SH3RF2: variants seen among roughly 807,000 people sequenced by gnomAD.
The protein encoded by SH3RF2 is SH3 domain containing ring finger 2.
Under a neutral mutation model 59.0 loss-of-function variants are expected in SH3RF2, and 43 were observed. The observed-to-expected ratio is 0.73, with a 90% CI of 0.57 to 0.94. SH3RF2 has a LOEUF of 0.94. Among genes scored for constraint, SH3RF2 ranks in the 40% least tolerant of loss-of-function variants. SH3RF2 has a pLI of 0.00. For synonymous variants in SH3RF2, 391 were observed against 391.5 expected, an observed-to-expected ratio of 1.00 and a Z score of 0.01; for missense variants, 930 against 940.1, an observed-to-expected ratio of 0.99 and a Z score of 0.14.
At chr5:146,036,709 C>T (rs1419770640) in intron 5 of SH3RF2, among the ~76,000 whole-genome samples, 1 of 152,090 alleles carries the variant, frequency 6.6e-6, no homozygotes, top group East Asian at 1.9e-4. Context: ...AAAGAGAAAA[C>T]AGCAAGGGAG....
intron 3 of SH3RF2, among the ~76,000 whole-genome samples, 183 bp downstream of exon 3, chr5:146,000,510 A>G (rs1220570830): frequency 6.6e-6 from 1 of 152,194 alleles, no homozygotes; most frequent in Non-Finnish European, 1.5e-5. Context: ...TATGTAGTGC[A>G]TATATATGTA....
chr5:145,955,147 G>A (rs1261094302), intron 2 of SH3RF2, among the ~76,000 whole-genome samples: 1 of 152,102 alleles, frequency 6.6e-6, no homozygotes, highest in African/African-American at 2.4e-5. Flanking sequence ...AGGGGGTTGG[G>A]TACTAGATGT....
chr5:146,010,718 A>G (rs1256170710), intron 4 of SH3RF2, among the ~76,000 whole-genome samples: 2 of 151,918 alleles, frequency 1.3e-5, no homozygotes, highest in Non-Finnish European at 2.9e-5. Flanking sequence ...CCACTTGTTG[A>G]TGGGGTTGTT....
intron 4 of SH3RF2, among the ~76,000 whole-genome samples, chr5:146,013,536 G>A (rs553914531): frequency 6.6e-6 from 1 of 152,294 alleles, no homozygotes; most frequent in South Asian, 2.1e-4. Flanking sequence ...TTACTTTGCA[G>A]GAAAGTTATG....
chr5:146,038,494 T>C (rs763045816), intron 5 of SH3RF2, among the ~76,000 whole-genome samples: 5 of 152,092 alleles, frequency 3.3e-5, no homozygotes, highest in Non-Finnish European at 5.9e-5. Flanking sequence ...TGAATACAAA[T>C]CAATATAAGA....
chr5:146,012,551 G>C (rs1405922795), intron 4 of SH3RF2, among the ~76,000 whole-genome samples: 1 of 152,046 alleles, frequency 6.6e-6, no homozygotes, highest in African/African-American at 2.4e-5. Context: ...GCCTGTTATT[G>C]GTCTATTCAG....
At chr5:145,965,035 CAT>C in intron 2 of SH3RF2, among the ~76,000 whole-genome samples, 1 of 151,946 alleles carries the variant, frequency 6.6e-6, no homozygotes, top group Middle Eastern at 3.4e-3. Flanking sequence ...TCTACTAAAA[CAT>C]AAAAAATTAG....
At chr5:145,996,763 T>C (rs1237552253) in intron 2 of SH3RF2, among the ~76,000 whole-genome samples, 3 of 152,066 alleles carry the variant, frequency 2.0e-5, no homozygotes, top group Non-Finnish European at 2.9e-5. Context: ...GTTCCTTGGG[T>C]AGTGATTAAG....
At chr5:145,975,212 C>T (rs577314871) in intron 2 of SH3RF2, among the ~76,000 whole-genome samples, 42 of 152,330 alleles carry the variant, frequency 2.8e-4, no homozygotes, top group African/African-American at 7.5e-4. Context: ...CTGGACACTC[C>T]GTCCTTCCCA....
chr5:145,965,640 A>G (rs1467221742), intron 2 of SH3RF2, among the ~76,000 whole-genome samples: 1 of 152,160 alleles, frequency 6.6e-6, no homozygotes, highest in African/African-American at 2.4e-5. Context: ...TGGTGTTTAC[A>G]CTCACTACTT....
intron 2 of SH3RF2, among the ~76,000 whole-genome samples, chr5:145,977,885 G>C (rs1293315688): frequency 6.6e-6 from 1 of 152,188 alleles, no homozygotes; most frequent in African/African-American, 2.4e-5. Flanking sequence ...AAATTTTGTG[G>C]ACTGATTGAC....
intron 2 of SH3RF2, among the ~76,000 whole-genome samples, chr5:145,948,821 A>T (rs941383856): frequency 3.9e-5 from 6 of 152,186 alleles, no homozygotes; most frequent in African/African-American, 1.4e-4. Flanking sequence ...CAGCCTCCAC[A>T]GCATGTAACA....
chr5:145,952,026 C>T (rs939970322), intron 2 of SH3RF2, among the ~76,000 whole-genome samples: 2 of 152,160 alleles, frequency 1.3e-5, no homozygotes, highest in Middle Eastern at 3.2e-3. Context: ...TAACCTACCA[C>T]CTACATTGGT....
rs561372147 is a variant in SH3RF2 at position 146,034,861 on chromosome 5, C to T, written c.1060-12911C>T. On this transcript the variant is annotated intron_variant, in intron 5 of 9. Coordinates refer to ENST00000359120, the MANE Select transcript of SH3RF2 (RefSeq NM_152550.4). ...GTGGCTCACACCTGTAATCCTAGAA[C>T]TTTGGGAGGCCAAGGCAGGTGAATC... 2.6e-5 allele frequency among the ~76,000 whole-genome samples: 4 copies of T among 152,260 alleles called. No homozygotes were observed. The South Asian group carries it at 8.3e-4, about 32-fold the overall frequency.
At chr5:146,026,209 A>G (rs1338920429) in intron 5 of SH3RF2, among the ~76,000 whole-genome samples, 1 of 152,228 alleles carries the variant, frequency 6.6e-6, no homozygotes, top group Non-Finnish European at 1.5e-5. Flanking sequence ...TCTTCCCCCA[A>G]AAATTAAATA....
chr5:146,003,503 A>G (rs559429147), intron 3 of SH3RF2, among the ~76,000 whole-genome samples: 9 of 152,352 alleles, frequency 5.9e-5, no homozygotes, highest in African/African-American at 2.2e-4. Context: ...GTGTTATTCA[A>G]GCTGTTGACA....
chr5:146,034,353 C>A (rs990894859), intron 5 of SH3RF2, among the ~76,000 whole-genome samples: 1 of 152,168 alleles, frequency 6.6e-6, no homozygotes, highest in Non-Finnish European at 1.5e-5. Flanking sequence ...CCAGGCACCA[C>A]AGGCTGGGAC....
intron 5 of SH3RF2, among the ~76,000 whole-genome samples, chr5:146,039,791 C>A (rs1322141366): frequency 6.6e-6 from 1 of 152,136 alleles, no homozygotes; most frequent in Non-Finnish European, 1.5e-5. Flanking sequence ...GCACAGGGGA[C>A]ATGTACAAAA....
intron 3 of SH3RF2, among the ~76,000 whole-genome samples, chr5:146,003,300 C>A (rs750924458): frequency 6.6e-6 from 1 of 152,152 alleles, no homozygotes; most frequent in Non-Finnish European, 1.5e-5. Flanking sequence ...CACAAAGGAA[C>A]CTTCTGGGTG....
Sources: allele counts gnomAD v4.1 joint callset (sites outside exome capture counted in the v4.1 genomes callset), GRCh38; gene constraint gnomAD v4.1.1; transcripts MANE v1.5; gene names NCBI Gene and HGNC (gene_info 2026-07-23, HGNC 2026-07-21).